Variants in MPZL1 observed in about 807,000 individuals in gnomAD.
The protein encoded by MPZL1 is myelin protein zero like 1.
In MPZL1, 16 loss-of-function variants were observed where a neutral mutation model predicts 29.3. The observed-to-expected ratio is 0.55, with a 90% confidence interval of 0.37 to 0.83. The LOEUF (loss-of-function observed/expected upper bound fraction) is 0.83, where lower values mean the gene tolerates loss of function less well. Ranked by LOEUF, MPZL1 falls within the 40% of genes least tolerant of loss-of-function variation. The probability of loss-of-function intolerance (pLI) is 0.00; values close to 1 mark genes in which losing one functional copy is unlikely to be tolerated. For missense variants in MPZL1, 279 were observed against 332.9 expected (o/e 0.84, Z 1.26); for synonymous variants, 143 against 132.0 (o/e 1.08, Z -0.57).
At chr1:167,753,546 C>G (rs1041633294) in intron 1 of MPZL1, among the ~76,000 whole-genome samples, 1 of 152,112 alleles carries the variant, frequency 6.6e-6, no homozygotes, top group Non-Finnish European at 1.5e-5. Flanking sequence ...TTTAATTTAC[C>G]CTCCCCTGGG....
chr1:167,743,271 C>T (rs145245685), intron 1 of MPZL1, among the ~76,000 whole-genome samples: 6 of 151,806 alleles, frequency 4.0e-5, no homozygotes, highest in Non-Finnish European at 5.9e-5. Flanking sequence ...ATTGCAATGG[C>T]GTGATCTTGC....
chr1:167,790,146 C>G lies in MPZL1; in HGVS notation c.*2225C>G, dbSNP rs1661676977. 1 of 151,316 alleles carries G rather than the reference C, an allele frequency of 6.6e-6. No homozygotes were observed. The highest frequency in any genetic ancestry group is 1.5e-5 in the Non-Finnish European group (1 of 67,902). 9.4% of individuals were successfully genotyped at this position (151,316 alleles called of 1,614,324 possible). A position where few individuals can be genotyped will look rare whatever the true frequency, so the allele number is the denominator to read the frequency against. ...CAACAGTTCCTGTGAATAAATGAAA[C>G]ATTTCGGAGCTCCCTGAGAGCAAGA... On this transcript the variant is annotated 3_prime_UTR_variant, in exon 6 of 6. Transcript: ENST00000359523.
At chr1:167,776,687 G>C (rs1247842516) in intron 5 of MPZL1, among the ~76,000 whole-genome samples, 4 of 152,212 alleles carry the variant, frequency 2.6e-5, no homozygotes, top group Non-Finnish European at 5.9e-5. Flanking sequence ...GTTTCTACTT[G>C]TAGAAAGTAC....
intron 5 of MPZL1, among the ~76,000 whole-genome samples, chr1:167,784,933 A>G (rs1359047049): frequency 6.6e-6 from 1 of 152,206 alleles, no homozygotes; most frequent in Non-Finnish European, 1.5e-5. Flanking sequence ...TTTTGACATG[A>G]AAGACAGTAC....
intron 1 of MPZL1, among the ~76,000 whole-genome samples, chr1:167,754,864 T>A (rs891731095): frequency 1.3e-5 from 2 of 152,206 alleles, no homozygotes; most frequent in Non-Finnish European, 2.9e-5. Context: ...ATTAGTATTC[T>A]TTTAAGAGTT....
chr1:167,728,613 ATCC>A (rs1212352795), intron 1 of MPZL1, among the ~76,000 whole-genome samples: 2 of 152,052 alleles, frequency 1.3e-5, no homozygotes, highest in Non-Finnish European at 2.9e-5. Flanking sequence ...TCATTGATAA[ATCC>A]TCCTTCAGTA....
intron 2 of MPZL1, among the ~76,000 whole-genome samples, chr1:167,766,075 G>A (rs185707632): frequency 6.6e-6 from 1 of 150,920 alleles, no homozygotes; most frequent in East Asian, 1.9e-4. Flanking sequence ...TTTGTTTTAT[G>A]TATTATCAAA....
At chr1:167,785,938 G>A (rs751503919) in intron 5 of MPZL1, among the ~76,000 whole-genome samples, 1 of 152,062 alleles carries the variant, frequency 6.6e-6, no homozygotes, top group African/African-American at 2.4e-5. Context: ...GACTCCAGGC[G>A]CCCACCACCA....
intron 5 of MPZL1, among the ~76,000 whole-genome samples, chr1:167,784,818 G>A (rs1356734620): frequency 1.3e-5 from 2 of 152,188 alleles, no homozygotes; most frequent in East Asian, 3.8e-4. Context: ...AGAGGAATGA[G>A]GATAACATCA....
intron 1 of MPZL1, among the ~76,000 whole-genome samples, chr1:167,751,670 C>CAAAAAA (rs397970508): frequency 1.4e-5 from 1 of 72,184 alleles, no homozygotes; most frequent in African/African-American, 4.2e-5. Flanking sequence ...GACTCCATCT[C>CAAAAAA]AAAAAAAAAA....
rs1661697066 is a variant in MPZL1 at position 167,790,838 on chromosome 1, C to T, written c.*2917C>T. The stretch of plus-strand genomic sequence containing the variant: ...CAATTTCTGAATTGTGTTGTGTGCT[C>T]ATTTTGACCAGAATAGAAAAAGAGA... On this transcript the variant is annotated 3_prime_UTR_variant, in exon 6 of 6. Coordinates refer to ENST00000359523, the MANE Select transcript of MPZL1 (RefSeq NM_003953.6). The T allele has an allele frequency of 1.3e-5, 2 of 152,222 alleles. No individual in the cohort carries two copies. Among genetic ancestry groups the T allele is most frequent in the South Asian group, 4.1e-4 (2 of 4,822 alleles). The allele number at this position is 152,222 out of a possible 1,614,324, so 9.4% of individuals were successfully genotyped here. A position where few individuals can be genotyped will look rare whatever the true frequency, so the allele number is the denominator to read the frequency against.
At chr1:167,743,777 ATTCTT>A (rs1558112600) in intron 1 of MPZL1, among the ~76,000 whole-genome samples, 1 of 152,072 alleles carries the variant, frequency 6.6e-6, no homozygotes, top group Non-Finnish European at 1.5e-5. Context: ...AAACTGCTGA[ATTCTT>A]TTATCAGTTC....
intron 1 of MPZL1, among the ~76,000 whole-genome samples, chr1:167,739,044 C>G (rs952280100): frequency 6.6e-6 from 1 of 151,692 alleles, no homozygotes; most frequent in Non-Finnish European, 1.5e-5. Context: ...CAGGTTCAAG[C>G]GATTCTCCCA....
At position 167,788,025 on chromosome 1, in the gene MPZL1, GA is replaced by G; in HGVS notation, c.*105del. On this transcript the variant is annotated 3_prime_UTR_variant, in exon 6 of 6. Transcript: ENST00000359523. ...ATGTAGCCTTGGAGACCCAGGCAAG[GA>G]CAAGTACACGTGTACTCACAGAGGG... The G allele has an allele frequency of 3.5e-6, 3 of 845,548 alleles. No individual in the cohort carries two copies. The highest frequency in any genetic ancestry group is 6.0e-6 in the Non-Finnish European group (3 of 502,476). The allele number at this position is 845,548 out of a possible 1,614,324, so 52.4% of individuals were successfully genotyped here. A position where few individuals can be genotyped will look rare whatever the true frequency, so the allele number is the denominator to read the frequency against.
intron 5 of MPZL1, among the ~76,000 whole-genome samples, chr1:167,780,070 G>C (rs999074128): frequency 9.2e-5 from 14 of 152,196 alleles, no homozygotes; most frequent in Middle Eastern, 3.4e-3. Context: ...TGAGAGAATT[G>C]GAAGGAAAAA....
At chr1:167,773,464 AACT>A in intron 4 of MPZL1, 96 bp downstream of exon 4, 1 of 1,373,734 alleles carries the variant, frequency 7.3e-7, no homozygotes, top group Non-Finnish European at 9.8e-7. Flanking sequence ...TTAAAGAATT[AACT>A]ACTATTTTCT....
intron 2 of MPZL1, among the ~76,000 whole-genome samples, chr1:167,767,510 T>C (rs930689223): frequency 2.0e-5 from 3 of 152,212 alleles, no homozygotes; most frequent in African/African-American, 4.8e-5. Flanking sequence ...TAATTCTGAT[T>C]AATATTTTTA....
chr1:167,780,983 T>C (rs1480516319), intron 5 of MPZL1, among the ~76,000 whole-genome samples: 3 of 152,118 alleles, frequency 2.0e-5, no homozygotes, highest in African/African-American at 7.2e-5. Flanking sequence ...CAGAATAGGC[T>C]TCAGAACAAG....
Position 167,730,206 on chromosome 1 carries a change from T to A in MPZL1, c.91+7964T>A, listed in dbSNP as rs112861461. Among the ~76,000 whole-genome samples, 586 of 152,318 alleles carry A rather than the reference T, an allele frequency of 3.8e-3. 3 individuals are homozygous for A. Among genetic ancestry groups the A allele is most frequent in the African/African-American group, 0.014 (563 of 41,564 alleles). ...AGCCATCCTCACCAATCATGCAGAA[T>A]CTGTTTGTGCCACCCAATACTCTAA... On this transcript the variant is annotated intron_variant, in intron 1 of 5. Coordinates refer to ENST00000359523, the MANE Select transcript of MPZL1 (RefSeq NM_003953.6).
Sources: gnomAD v4.1 joint callset for allele counts (sites outside exome capture counted in the v4.1 genomes callset) on GRCh38, gnomAD v4.1.1 for gene constraint, MANE v1.5 for transcripts, NCBI Gene and HGNC (gene_info 2026-07-23, HGNC 2026-07-21) for gene names.